Variants in NRP1 observed in about 807,000 individuals in gnomAD.
The protein encoded by NRP1 is neuropilin 1, also known as neuropilin-1.
In NRP1, 35 loss-of-function variants were observed where a neutral mutation model predicts 106.7. The ratio of observed to expected loss-of-function variants is 0.33; its 90% CI spans 0.25 to 0.43. The LOEUF (loss-of-function observed/expected upper bound fraction) is 0.43. Among genes scored for constraint, NRP1 ranks in the 20% least tolerant of loss-of-function variants. The probability of loss-of-function intolerance (pLI) is 1.00; values close to 1 mark genes in which losing one functional copy is unlikely to be tolerated. For synonymous variants in NRP1, 437 were observed against 417.9 expected, an observed-to-expected ratio of 1.05 and a Z score of -0.56; for missense variants, 1,024 against 1,170.4, an observed-to-expected ratio of 0.87 and a Z score of 1.83.
intron 2 of NRP1, among the ~76,000 whole-genome samples, chr10:33,324,697 T>G (rs1175587127): frequency 1.3e-5 from 2 of 152,162 alleles, no homozygotes; most frequent in Non-Finnish European, 1.5e-5. Context: ...AGTGCAATGG[T>G]GCGGATCTTG....
At chr10:33,287,517 T>C (rs1588924735) in intron 2 of NRP1, among the ~76,000 whole-genome samples, 2 of 152,380 alleles carry the variant, frequency 1.3e-5, no homozygotes, top group East Asian at 3.9e-4. Context: ...AGAGGTTTTA[T>C]GCTTGTCATT....
intron 2 of NRP1, among the ~76,000 whole-genome samples, chr10:33,323,180 C>A (rs1847640639): frequency 6.6e-6 from 1 of 151,652 alleles, no homozygotes; most frequent in Non-Finnish European, 1.5e-5. Flanking sequence ...CCAGCCTGGG[C>A]AACATAGTGA....
intron 1 of NRP1, among the ~76,000 whole-genome samples, chr10:33,331,795 G>A (rs1848304700): frequency 6.6e-6 from 1 of 152,182 alleles, no homozygotes; most frequent in African/African-American, 2.4e-5. Flanking sequence ...CACATTTTAT[G>A]ATGGATTTCA....
intron 2 of NRP1, among the ~76,000 whole-genome samples, chr10:33,272,332 A>G (rs1843364490): frequency 6.6e-6 from 1 of 152,240 alleles, no homozygotes; most frequent in Non-Finnish European, 1.5e-5. Flanking sequence ...TTATTGTATT[A>G]ACTGCATTTC....
intron 3 of NRP1, among the ~76,000 whole-genome samples, chr10:33,264,433 T>G (rs1245440410): frequency 1.3e-5 from 2 of 152,176 alleles, no homozygotes; most frequent in Non-Finnish European, 2.9e-5. Flanking sequence ...TTCTGAGTGG[T>G]GTTGACACAG....
intron 1 of NRP1, among the ~76,000 whole-genome samples, chr10:33,331,157 C>T (rs950086688): frequency 6.6e-6 from 1 of 152,150 alleles, no homozygotes; most frequent in Non-Finnish European, 1.5e-5. Flanking sequence ...GGTCTTCTAG[C>T]ATTAAAAACA....
chr10:33,213,405 T>C lies in NRP1; in HGVS notation c.1595A>G (p.Asp532Gly). ...CCTCACCTTCGCCTTGCGTTTGCTGTCATCCATGATCATCTTCCAGTCCGA... is the reference window on the plus strand; with the variant it reads ...CCTCACCTTCGCCTTGCGTTTGCTGCCATCCATGATCATCTTCCAGTCCGA... The part of the protein sequence containing the change: ...NGSDWKMIMD[D>G]SKRKAKSFEG... The change falls in exon 9 of 17, where the codon GAC (aspartate) becomes GGC (glycine). Residue 532 changes from aspartate to glycine, a missense_variant. Asp to Gly is a moderately conservative substitution (Grantham distance 94). Coordinates refer to ENST00000374867, the MANE Select transcript of NRP1 (RefSeq NM_003873.7). 6.2e-7 allele frequency: 1 copy of C among 1,613,924 alleles called. No homozygotes were observed. The highest frequency in any genetic ancestry group is 8.5e-7 in the Non-Finnish European group (1 of 1,179,988).
intron 8 of NRP1, among the ~76,000 whole-genome samples, chr10:33,218,716 T>C (rs1366514429): frequency 2.0e-5 from 3 of 152,184 alleles, no homozygotes; most frequent in Non-Finnish European, 2.9e-5. Flanking sequence ...CTTTAGTGGC[T>C]TTGGAAGCCA....
intron 6 of NRP1, among the ~76,000 whole-genome samples, chr10:33,236,953 A>G (rs1446318817): frequency 1.3e-5 from 2 of 152,152 alleles, no homozygotes; most frequent in South Asian, 2.1e-4. Flanking sequence ...GCTGAGACGT[A>G]GCGCAATTAA....
chr10:33,210,422 C>T (rs1273955277), intron 9 of NRP1, among the ~76,000 whole-genome samples: 1 of 152,080 alleles, frequency 6.6e-6, no homozygotes, highest in Non-Finnish European at 1.5e-5. Context: ...CTATGGAATC[C>T]CAGGCTCATC....
At chr10:33,241,118 G>A (rs1248476781) in intron 6 of NRP1, among the ~76,000 whole-genome samples, 1 of 152,192 alleles carries the variant, frequency 6.6e-6, no homozygotes, top group African/African-American at 2.4e-5. Context: ...ACTGAGCAAA[G>A]GCCAGCCTAG....
chr10:33,264,384 G>A (rs1167077636), intron 3 of NRP1, among the ~76,000 whole-genome samples: 3 of 152,218 alleles, frequency 2.0e-5, no homozygotes, highest in Non-Finnish European at 4.4e-5. Flanking sequence ...AACGAAATGT[G>A]AAAGGTAATT....
At chr10:33,257,011 CTTA>C (rs1157439095) in intron 4 of NRP1, among the ~76,000 whole-genome samples, 2 of 152,130 alleles carry the variant, frequency 1.3e-5, no homozygotes, top group Non-Finnish European at 1.5e-5. Flanking sequence ...GCCCTGGATT[CTTA>C]TTATGATAAA....
intron 6 of NRP1, among the ~76,000 whole-genome samples, chr10:33,233,964 A>T (rs1395226299): frequency 6.6e-6 from 1 of 152,176 alleles, no homozygotes; most frequent in Non-Finnish European, 1.5e-5. Flanking sequence ...ACAGTACCTG[A>T]CCATTGTGCT....
chr10:33,216,364 C>T (rs1168960291), intron 8 of NRP1, among the ~76,000 whole-genome samples: 1 of 152,088 alleles, frequency 6.6e-6, no homozygotes, highest in Admixed American at 6.6e-5. Flanking sequence ...TCTCGATCTC[C>T]TGACCTCGTG....
intron 7 of NRP1, among the ~76,000 whole-genome samples, chr10:33,222,718 A>G (rs1839360148): frequency 6.6e-6 from 1 of 152,080 alleles, no homozygotes; most frequent in African/African-American, 2.4e-5. Context: ...ATGGGGTTTC[A>G]CCATGTTGGT....
At chr10:33,269,855 C>A (rs1457122392) in intron 3 of NRP1, among the ~76,000 whole-genome samples, 1 of 152,218 alleles carries the variant, frequency 6.6e-6, no homozygotes, top group African/African-American at 2.4e-5. Context: ...CTGTCACTGT[C>A]TCCCATCACC....
In NRP1 at chr10:33,182,833, G is replaced by GCGCACACACACACACA. The variant is rs374584878; in HGVS notation, c.2432-86_2432-85insTGTGTGTGTGTGTGCG. On this transcript the variant is annotated intron_variant, in intron 15 of 16. Transcript: ENST00000374867. ...AAACTACACAAACCTTTAGGTACAT[G>GCGCACACACACACACA]CACACACACACACACACACACACAC... The GCGCACACACACACACA allele has an allele frequency of 3.9e-3, 2,882 of 746,302 alleles. 13 individuals are homozygous for GCGCACACACACACACA. Among genetic ancestry groups the GCGCACACACACACACA allele is most frequent in the Middle Eastern group, 0.013 (38 of 2,832 alleles). The allele number at this position is 746,302 out of a possible 1,614,324, so 46.2% of individuals were successfully genotyped here. A position where few individuals can be genotyped will look rare whatever the true frequency, so the allele number is the denominator to read the frequency against.
chr10:33,296,598 G>A (rs763087362), intron 2 of NRP1, among the ~76,000 whole-genome samples: 2 of 152,126 alleles, frequency 1.3e-5, no homozygotes, highest in Non-Finnish European at 2.9e-5. Flanking sequence ...AGCTTCAGAG[G>A]GGATGGGAAA....
Sources: allele counts gnomAD v4.1 joint callset (sites outside exome capture counted in the v4.1 genomes callset), GRCh38; gene constraint gnomAD v4.1.1; transcripts MANE v1.5; gene names NCBI Gene and HGNC (gene_info 2026-07-23, HGNC 2026-07-21).